The following SLC9C1 variants were observed in gnomAD, a reference collection of about 807,000 sequenced individuals.
SLC9C1 encodes the protein solute carrier family 9 member C1, also known as sodium/hydrogen exchanger 10.
SLC9C1 carries 97 observed loss-of-function variants against 140.9 expected under a neutral mutation model. The observed-to-expected ratio is 0.69, with a 90% CI of 0.58 to 0.82. SLC9C1 has a LOEUF of 0.82. Among genes scored for constraint, SLC9C1 ranks in the 40% least tolerant of loss-of-function variants. SLC9C1 has a pLI of 0.00. For synonymous variants in SLC9C1, 440 were observed against 442.6 expected, an observed-to-expected ratio of 0.99 and a Z score of 0.07; for missense variants, 1,340 against 1,389.3, an observed-to-expected ratio of 0.96 and a Z score of 0.56.
At chr3:112,147,252 A>T (rs201832029) in intron 28 of SLC9C1, among the ~76,000 whole-genome samples, 1 of 152,154 alleles carries the variant, frequency 6.6e-6, no homozygotes, top group Non-Finnish European at 1.5e-5. Context: ...TTGCCCCTCT[A>T]TGCCTTTTAC....
At position 112,235,325 on chromosome 3, in the gene SLC9C1, G is replaced by A. The variant is rs1267898135; in HGVS notation, c.1447-3839C>T. Among the ~76,000 whole-genome samples the A allele has an allele frequency of 3.4e-5, 5 of 146,024 alleles. No individual in the cohort carries two copies. The East Asian group carries it at 1.0e-3, about 29-fold the overall frequency. On this transcript the variant is annotated intron_variant, in intron 12 of 28. Transcript: ENST00000305815. ...CTTGTGATTTTTGCACATTGATTTT[G>A]TATCCTGAGACTTTGCTGAAGTTGC...
At chr3:112,241,096 A>G (rs1403114870) in intron 11 of SLC9C1, among the ~76,000 whole-genome samples, 1 of 152,204 alleles carries the variant, frequency 6.6e-6, no homozygotes, top group Non-Finnish European at 1.5e-5. Flanking sequence ...TAATACCTTT[A>G]CATTTTAAGA....
In SLC9C1 at chr3:112,256,964, G is replaced by A. The variant is rs1032531281; in HGVS notation, c.1197+5960C>T. On this transcript the variant is annotated intron_variant, in intron 10 of 28. Transcript: ENST00000305815. ...CAAGAATTCAATCCCATTCATAATT[G>A]CCCAAATAATACCTAAGAATATAGC... Among the ~76,000 whole-genome samples the A allele has an allele frequency of 6.6e-5, 10 of 152,000 alleles. No individual in the cohort carries two copies. The East Asian group carries it at 1.7e-3, about 26-fold the overall frequency.
intron 23 of SLC9C1, among the ~76,000 whole-genome samples, chr3:112,176,057 G>T (rs2077330750): frequency 6.6e-6 from 1 of 152,180 alleles, no homozygotes; most frequent in African/African-American, 2.4e-5. Flanking sequence ...GGAGGCCTGG[G>T]TATCTAAGGC....
chr3:112,244,434 C>A (rs2079223536), intron 10 of SLC9C1, among the ~76,000 whole-genome samples: 1 of 152,196 alleles, frequency 6.6e-6, no homozygotes, highest in African/African-American at 2.4e-5. Context: ...ATCCACTATA[C>A]AAACCTGGCT....
intron 23 of SLC9C1, among the ~76,000 whole-genome samples, chr3:112,174,901 G>A (rs192210151): frequency 4.6e-5 from 7 of 152,154 alleles, no homozygotes; most frequent in East Asian, 1.9e-4. Flanking sequence ...TGAGGATCTG[G>A]ATCTGCGTGG....
At chr3:112,248,351 C>T (rs1204282993) in intron 10 of SLC9C1, among the ~76,000 whole-genome samples, 3 of 152,084 alleles carry the variant, frequency 2.0e-5, no homozygotes, top group African/African-American at 7.2e-5. Flanking sequence ...AATTTATACT[C>T]ATATTCTTGA....
chr3:112,225,271 A>G (rs1185446106), intron 13 of SLC9C1, among the ~76,000 whole-genome samples: 1 of 152,170 alleles, frequency 6.6e-6, no homozygotes, highest in Admixed American at 6.5e-5. Flanking sequence ...AACCAACAAT[A>G]CTATATCCAG....
chr3:112,233,074 T>TATA (rs60472772), intron 12 of SLC9C1, among the ~76,000 whole-genome samples: 2 of 125,974 alleles, frequency 1.6e-5, no homozygotes, highest in African/African-American at 6.1e-5. Flanking sequence ...TATATTATAT[T>TATA]TTTTTTTTTT....
At chr3:112,188,078 A>T (rs995255204) in intron 20 of SLC9C1, among the ~76,000 whole-genome samples, 1 of 152,190 alleles carries the variant, frequency 6.6e-6, no homozygotes, top group Non-Finnish European at 1.5e-5. Context: ...CCACACTTGC[A>T]TGGCCATACT....
chr3:112,277,829 A>G lies in SLC9C1; in HGVS notation c.350T>C (p.Val117Ala), dbSNP rs771765799. The G allele has an allele frequency of 4.4e-6, 7 of 1,599,630 alleles. No homozygotes were observed. The South Asian group carries it at 8.0e-5, about 18-fold the overall frequency. ...ATGCCAAAGAACTAAGATATAATTA[A>G]CCAAAAAGCCGGGAATTGAAATTAA... ...ILLISIPGFL[V>A]NYILVLWHLA... Residue 117 changes from valine to alanine, a missense_variant, in exon 5 of 29, where the codon GTT becomes GCT. Val to Ala is a moderately conservative substitution (Grantham distance 64, BLOSUM62 0). Transcript: ENST00000305815.
intron 10 of SLC9C1, 130 bp downstream of exon 10, chr3:112,262,794 T>C: frequency 1.4e-6 from 1 of 739,512 alleles, no homozygotes; most frequent in Non-Finnish European, 1.9e-6. Flanking sequence ...TCCCCGATCT[T>C]GCCATCATAG....
At chr3:112,226,725 C>G (rs909888490) in intron 13 of SLC9C1, among the ~76,000 whole-genome samples, 2 of 5,004 alleles carry the variant, frequency 4.0e-4, no homozygotes, top group Non-Finnish European at 2.0e-3. Context: ...CCATCCCCCC[C>G]CATCCCCCCA....
chr3:112,286,736 A>T lies in SLC9C1; in HGVS notation c.56T>A (p.Ile19Asn). The T allele has an allele frequency of 6.2e-7, 1 of 1,613,220 alleles. No individual in the cohort carries two copies. Among genetic ancestry groups the T allele is most frequent in the Non-Finnish European group, 8.5e-7 (1 of 1,179,660 alleles). Residue 19 changes from isoleucine to asparagine, a missense_variant, in exon 2 of 29, where the codon ATT becomes AAT. Ile to Asn is a moderately radical substitution (Grantham distance 149, BLOSUM62 -3). Transcript: ENST00000305815. ...GGAGCTGATCAAAGACAATGTTAGA[A>T]TGACTTCAGGGAGGTCCTCAGTACT... ...FFSTEDLPEV[I>N]LTLSLISSIG... is the part of the protein sequence containing the mutation.
At chr3:112,283,197 T>C (rs574227604) in intron 2 of SLC9C1, among the ~76,000 whole-genome samples, 3 of 152,294 alleles carry the variant, frequency 2.0e-5, no homozygotes, top group African/African-American at 7.2e-5. Context: ...CCCAAAAGAA[T>C]GTCGACTGGG....
intron 14 of SLC9C1, among the ~76,000 whole-genome samples, chr3:112,219,674 G>A (rs1439905924): frequency 6.6e-6 from 1 of 152,132 alleles, no homozygotes; most frequent in Non-Finnish European, 1.5e-5. Context: ...TGCCTTCGGG[G>A]TTCAAGCAAT....
In SLC9C1 at chr3:112,167,152, A is replaced by AAATACACATATGGCTATTTTAT; in HGVS notation, c.3364+47_3364+68dup. 3 of 1,555,338 alleles carry AAATACACATATGGCTATTTTAT rather than the reference A, an allele frequency of 1.9e-6. No homozygotes were observed. In the South Asian group the frequency reaches 3.5e-5, roughly 18 times the overall value. On this transcript the variant is annotated intron_variant, in intron 26 of 28. Coordinates refer to ENST00000305815, the MANE Select transcript of SLC9C1 (RefSeq NM_183061.3). ...AGGCAGAATGCAAACAACAGTTTCC[A>AAATACACATATGGCTATTTTAT]AATACACATATGGCTATTTTATAAA...
Position 112,229,048 on chromosome 3 carries a change from T to G in SLC9C1, c.1572+2313A>C, listed in dbSNP as rs571174916. Reference sequence around the variant, plus strand: ...CAACATGGATAAGACTAGAAGACATTATGTTAAGTGAAAGAAGTCAGGCAC... The same window carrying G: ...CAACATGGATAAGACTAGAAGACATGATGTTAAGTGAAAGAAGTCAGGCAC... On this transcript the variant is annotated intron_variant, in intron 13 of 28. Coordinates refer to ENST00000305815, the MANE Select transcript of SLC9C1 (RefSeq NM_183061.3). Among the ~76,000 whole-genome samples, 9 of 152,194 alleles carry G rather than the reference T, an allele frequency of 5.9e-5. No individual in the cohort carries two copies. In the East Asian group the frequency reaches 1.7e-3, roughly 29 times the overall value.
chr3:112,245,945 T>C (rs757207663), intron 10 of SLC9C1, among the ~76,000 whole-genome samples: 52 of 152,284 alleles, frequency 3.4e-4, no homozygotes, highest in Non-Finnish European at 6.5e-4. Context: ...CATCTCTTGA[T>C]ACTTAGTCAT....
Sources: allele counts gnomAD v4.1 joint callset (sites outside exome capture counted in the v4.1 genomes callset), GRCh38; gene constraint gnomAD v4.1.1; transcripts MANE v1.5; gene names NCBI Gene and HGNC (gene_info 2026-07-23, HGNC 2026-07-21).